Variants in FAM120C observed in about 807,000 individuals in gnomAD.
FAM120C encodes the protein constitutive coactivator of PPAR-gamma-like protein 2.
FAM120C carries 14 observed loss-of-function variants against 71.2 expected under a neutral mutation model. The ratio of observed to expected loss-of-function variants is 0.20; its 90% CI spans 0.13 to 0.31. The LOEUF (loss-of-function observed/expected upper bound fraction) is 0.31, where lower values mean the gene tolerates loss of function less well. Ranked by LOEUF, FAM120C falls within the 10% of genes least tolerant of loss-of-function variation. FAM120C has a pLI of 1.00. For missense variants in FAM120C, 500 were observed against 879.0 expected (o/e 0.57, Z 5.45); for synonymous variants, 354 against 353.2 (o/e 1.00, Z -0.03).
chrX:54,180,266 C>T (rs2067341084), intron 1 of FAM120C, among the ~76,000 whole-genome samples: 1 of 112,265 alleles, frequency 8.9e-6, no homozygotes, highest in African/African-American at 3.2e-5. Flanking sequence ...CACCCTTGTC[C>T]GCTATCTGAA....
At chrX:54,082,547 T>C (rs1199983140) in intron 13 of FAM120C, among the ~76,000 whole-genome samples, 4 of 109,214 alleles carry the variant, frequency 3.7e-5, no homozygotes, top group African/African-American at 1.3e-4. Context: ...TAGCTGGGAC[T>C]ACAGGCACAT....
intron 4 of FAM120C, among the ~76,000 whole-genome samples, chrX:54,141,843 C>T (rs2067127259): frequency 9.0e-6 from 1 of 111,052 alleles, no homozygotes; most frequent in Non-Finnish European, 1.9e-5. Flanking sequence ...ATTTAAAAAA[C>T]AAAATATCCT....
chrX:54,157,899 T>TA (rs1557133920), intron 2 of FAM120C, 128 bp from the exon 3 acceptor site: 2 of 467,055 alleles, frequency 4.3e-6, no homozygotes, highest in Non-Finnish European at 7.6e-6. Flanking sequence ...ATGTAATACT[T>TA]ACAGTAGTTC....
chrX:54,142,251 G>A (rs1336388984), intron 4 of FAM120C, among the ~76,000 whole-genome samples: 1 of 111,443 alleles, frequency 9.0e-6, no homozygotes, highest in Non-Finnish European at 1.9e-5. Context: ...GTGGGTGCTG[G>A]GTGCAGCCCA....
intron 9 of FAM120C, among the ~76,000 whole-genome samples, chrX:54,117,295 G>A (rs2066972986): frequency 9.3e-6 from 1 of 107,473 alleles, no homozygotes; most frequent in Non-Finnish European, 1.9e-5. Flanking sequence ...TGAGGCAGCA[G>A]TGAGCTATGA....
chrX:54,102,080 G>C (rs1301305294), intron 10 of FAM120C, among the ~76,000 whole-genome samples: 2 of 109,263 alleles, frequency 1.8e-5, no homozygotes, highest in Non-Finnish European at 3.8e-5. Context: ...TGTCACCCAG[G>C]CTGGAGTGCA....
At chrX:54,180,317 G>A (rs1279511958) in intron 1 of FAM120C, among the ~76,000 whole-genome samples, 7 of 112,295 alleles carry the variant, frequency 6.2e-5, no homozygotes, top group Non-Finnish European at 1.3e-4. Context: ...CATCGGTGAA[G>A]CCTTCCCCAA....
rs782438915 is a variant in FAM120C at position 54,133,990 on chromosome X, C to T, written c.1673G>A (p.Arg558Lys). 1 of 1,209,884 alleles carries T rather than the reference C, an allele frequency of 8.3e-7. No homozygotes were observed. The highest frequency in any genetic ancestry group is 1.7e-5 in the African/African-American group (1 of 57,302). Residue 558 changes from arginine (R) to lysine (K), a missense_variant, in exon 8 of 16, where the codon AGA becomes AAA. Around this residue, in one of 11 missense-constraint regions of FAM120C, gnomAD observed 85 missense variants for 84.9 expected, o/e 1.00. Transcript: ENST00000375180. ...QPEWGNPNRD[R>K]GSWAQPVDTG... is the part of the protein sequence containing the mutation. The stretch of plus-strand genomic sequence containing the variant: ...ATCAACAGGCTGTGCCCAGGACCCT[C>T]TGTCACGATTGGGATTTCCCCACTC...
In FAM120C at chrX:54,081,338, C is replaced by T; in HGVS notation, c.2962G>A (p.Gly988Ser). Reference protein sequence around the residue: ...GSFGMQVVSVGGPGKGHGKEQ... With the variant: ...GSFGMQVVSVSGPGKGHGKEQ... The stretch of plus-strand genomic sequence containing the variant: ...GGTACATACCCCTTTCCTGGCCCAC[C>T]GACAGAAACCACTTGCATGCCGAAG... The change falls in exon 14 of 16, where the codon GGT (glycine) becomes AGT (serine). Residue 988 changes from glycine to serine, a missense_variant. By Grantham distance (56) the Gly-to-Ser change is moderately conservative. Around this residue, in one of 11 missense-constraint regions of FAM120C, gnomAD observed 85 missense variants for 96.1 expected, o/e 0.88. Coordinates refer to ENST00000375180, the MANE Select transcript of FAM120C (RefSeq NM_017848.6). The T allele has an allele frequency of 1.7e-6, 2 of 1,209,290 alleles. No individual in the cohort carries two copies. The highest frequency in any genetic ancestry group is 2.2e-6 in the Non-Finnish European group (2 of 894,537).
At chrX:54,091,553 G>A in intron 10 of FAM120C, 127 bp from the exon 11 acceptor site, 3 of 428,643 alleles carry the variant, frequency 7.0e-6, no homozygotes, top group Non-Finnish European at 8.2e-6. Context: ...ACTGAATGAA[G>A]GAAAAAGAAT....
In FAM120C at chrX:54,068,369, G is replaced by A. The variant is rs997590924; in HGVS notation, c.*4664C>T. 5.4e-5 allele frequency: 6 copies of A among 111,774 alleles called. No individual in the cohort carries two copies. Among genetic ancestry groups the A allele is most frequent in the Admixed American group, 1.9e-4 (2 of 10,423 alleles). 9.2% of individuals were successfully genotyped at this position (111,774 alleles called of 1,213,427 possible). A position where few individuals can be genotyped will look rare whatever the true frequency, so the allele number is the denominator to read the frequency against. ...CTAAAAGAATAGATTTTTATTAAGCGTTGTAAGTTTCTTTCCATCAGCATT... is the reference window on the plus strand; with the variant it reads ...CTAAAAGAATAGATTTTTATTAAGCATTGTAAGTTTCTTTCCATCAGCATT... On this transcript the variant is annotated 3_prime_UTR_variant, in exon 16 of 16. Coordinates refer to ENST00000375180, the MANE Select transcript of FAM120C (RefSeq NM_017848.6).
Position 54,112,271 on chromosome X carries a change from G to A in FAM120C, c.2312+4274C>T, listed in dbSNP as rs185471602. ...GTCTCTACTAAAAATACAAAACTTA[G>A]CGGGGAAGGGTAGTGCACACCTGTA... On this transcript the variant is annotated intron_variant, in intron 10 of 15. Coordinates refer to ENST00000375180, the MANE Select transcript of FAM120C (RefSeq NM_017848.6). Among the ~76,000 whole-genome samples, 10 of 110,558 alleles carry A rather than the reference G, an allele frequency of 9.0e-5. 1 individual carries two copies. Among genetic ancestry groups the A allele is most frequent in the African/African-American group, 3.0e-4 (9 of 30,419 alleles).
chrX:54,171,611 T>C (rs2067289040), intron 1 of FAM120C: 1 of 111,799 alleles, frequency 8.9e-6, no homozygotes, highest in Non-Finnish European at 1.9e-5. Context: ...AGGTCAATGT[T>C]AGGTCTTATA....
At position 54,134,056 on chromosome X, in the gene FAM120C, G is replaced by A; in HGVS notation, c.1617-10C>T. The A allele has an allele frequency of 8.3e-7, 1 of 1,202,832 alleles. No individual in the cohort carries two copies. The highest frequency in any genetic ancestry group is 1.1e-6 in the Non-Finnish European group (1 of 891,234). On this transcript the variant is annotated splice_polypyrimidine_tract_variant and intron_variant, in intron 7 of 15. Transcript: ENST00000375180. ...TGCTTCTGTGATATGACTAAAAAAT[G>A]TAGAAAGACAGTGTCAAACAGAAAA...
rs181346347 is a variant in FAM120C, at chrX:54,091,055, C to T, written c.2427+257G>A. ...AGTGTATCTTGTAAGAGTCAGAAAC[C>T]TTGCCATGGCCTATGGGCCAATATT... is the stretch of plus-strand genomic sequence containing the variant. On this transcript the variant is annotated intron_variant, in intron 11 of 15. Transcript: ENST00000375180. Among the ~76,000 whole-genome samples, 244 of 112,241 alleles carry T rather than the reference C, an allele frequency of 2.2e-3. No homozygotes were observed. The Middle Eastern group carries it at 0.028, about 13-fold the overall frequency.
chrX:54,107,655 G>A lies in FAM120C; in HGVS notation c.2312+8890C>T, dbSNP rs370033377. On this transcript the variant is annotated intron_variant, in intron 10 of 15. Coordinates refer to ENST00000375180, the MANE Select transcript of FAM120C (RefSeq NM_017848.6). ...CTGCCTCAGCCCCCTGAGTAGCTGG[G>A]ATTAGAGGCGTGTGCCACTACTGCT... 2.8e-4 allele frequency among the ~76,000 whole-genome samples: 29 copies of A among 104,430 alleles called. No homozygotes were observed. The East Asian group carries it at 8.0e-3, about 29-fold the overall frequency. The allele number at this position is 104,430 out of a possible 115,157, so 90.7% of individuals were successfully genotyped here.
intron 10 of FAM120C, among the ~76,000 whole-genome samples, chrX:54,103,730 G>A (rs372784308): frequency 3.2e-5 from 3 of 93,656 alleles, no homozygotes; most frequent in Admixed American, 1.3e-4. Context: ...AATACACTTC[G>A]GTACGTAATA....
chrX:54,170,539 A>G (rs1457280415), intron 1 of FAM120C, among the ~76,000 whole-genome samples: 1 of 112,059 alleles, frequency 8.9e-6, no homozygotes, highest in Non-Finnish European at 1.9e-5. Context: ...TGGATTTTTA[A>G]AAAACCTGTT....
chrX:54,108,113 A>T (rs1261139665), intron 10 of FAM120C, among the ~76,000 whole-genome samples: 1 of 99,440 alleles, frequency 1.0e-5, no homozygotes, highest in African/African-American at 4.3e-5. Context: ...GTAGGGCTTG[A>T]CTTCCCCTTT....
Sources: allele counts gnomAD v4.1 joint callset (sites outside exome capture counted in the v4.1 genomes callset), GRCh38; gene constraint gnomAD v4.1.1; regional missense constraint gnomAD v4.1.1; transcripts MANE v1.5; gene names NCBI Gene and HGNC (gene_info 2026-07-23, HGNC 2026-07-21).